The following SRP68 variants were observed in gnomAD, a reference collection of about 807,000 sequenced individuals.
SRP68 encodes the protein signal recognition particle 68, also known as signal recognition particle subunit SRP68.
Under a neutral mutation model 82.2 loss-of-function variants are expected in SRP68, and 15 were observed. The observed-to-expected ratio is 0.18, with a 90% CI of 0.12 to 0.28. The LOEUF is 0.28. Among genes scored for constraint, SRP68 ranks in the 10% least tolerant of loss-of-function variants. SRP68 has a pLI of 1.00. For missense variants in SRP68, 595 were observed against 780.5 expected (o/e 0.76, Z 2.83); for synonymous variants, 261 against 292.6 (o/e 0.89, Z 1.10).
chr17:76,059,882 T>C (rs2066738937), intron 7 of SRP68, among the ~76,000 whole-genome samples: 1 of 151,168 alleles, frequency 6.6e-6, no homozygotes, highest in South Asian at 2.1e-4. Context: ...TCCCAGCACT[T>C]TGGGAGGCTG....
At chr17:76,052,056 CG>C (rs997446526) in intron 8 of SRP68, among the ~76,000 whole-genome samples, 7 of 152,038 alleles carry the variant, frequency 4.6e-5, no homozygotes, top group African/African-American at 2.4e-5. Context: ...TACAGGTGCC[CG>C]CCACCACGCC....
At chr17:76,044,977 G>A in intron 12 of SRP68, 1 of 209,472 alleles carries the variant, frequency 4.8e-6, no homozygotes, top group South Asian at 9.9e-5. Flanking sequence ...CCCGACCTCA[G>A]GTGATCCACC....
intron 4 of SRP68, among the ~76,000 whole-genome samples, chr17:76,062,607 ATT>A (rs1186304451): frequency 9.9e-5 from 9 of 91,120 alleles, no homozygotes; most frequent in East Asian, 9.4e-4. Flanking sequence ...TACATTATAT[ATT>A]ATATAATATA....
At chr17:76,053,485 G>C (rs1336640751) in intron 8 of SRP68, 2 of 985,108 alleles carry the variant, frequency 2.0e-6, no homozygotes, top group Non-Finnish European at 2.4e-6. Context: ...CTGTCGGTAG[G>C]GTACAGTTCA....
intron 10 of SRP68, among the ~76,000 whole-genome samples, chr17:76,046,481 A>AAC (rs142036103): frequency 1.0e-4 from 4 of 38,646 alleles, no homozygotes; most frequent in African/African-American, 4.9e-4. Context: ...AAAAAAAAAA[A>AAC]AAACAAAAAA....
chr17:76,066,942 G>C (rs901591889), intron 3 of SRP68, among the ~76,000 whole-genome samples: 11 of 152,016 alleles, frequency 7.2e-5, no homozygotes, highest in Admixed American at 5.9e-4. Flanking sequence ...TGGCCAGGCT[G>C]GTCTTGAACT....
At chr17:76,053,439 T>G (rs2066690255) in intron 8 of SRP68, 1 of 985,230 alleles carries the variant, frequency 1.0e-6, no homozygotes, top group Admixed American at 6.2e-5. Flanking sequence ...AAGAGCGAAC[T>G]TCGTCTTACC....
At chr17:76,058,741 C>T (rs1278813327) in intron 7 of SRP68, among the ~76,000 whole-genome samples, 2 of 152,162 alleles carry the variant, frequency 1.3e-5, no homozygotes, top group East Asian at 1.9e-4. Context: ...AACTTAAAGA[C>T]ATTTGTCAGT....
rs1374266864 is a variant in SRP68 at position 76,072,402 on chromosome 17, TCCACCGCCGCTA to T, written c.78_89del (p.Ser27_Gly30del). ...TATTTTCTTCCCCTCCGGCACCACG[TCCACCGCCGCTA>T]CCGCCGCCGCCACTGCCACCGCCGC... On this transcript the variant is annotated inframe_deletion, in exon 1 of 16. Transcript: ENST00000307877. The surrounding 1 kb of genome is among the most constrained non-coding windows in gnomAD (Gnocchi z 4.5). 2.5e-6 allele frequency: 4 copies of T among 1,586,874 alleles called. No individual in the cohort carries two copies. The highest frequency in any genetic ancestry group is 2.7e-5 in the African/African-American group (2 of 74,316).
intron 2 of SRP68, among the ~76,000 whole-genome samples, chr17:76,068,830 C>T (rs1219937394): frequency 1.3e-5 from 2 of 152,044 alleles, no homozygotes; most frequent in Admixed American, 6.6e-5. Context: ...GCTCGAACTC[C>T]GGGGCTTAAG....
chr17:76,066,132 C>G (rs1243251613), intron 3 of SRP68, among the ~76,000 whole-genome samples: 3 of 151,988 alleles, frequency 2.0e-5, no homozygotes, highest in Admixed American at 6.6e-5. Flanking sequence ...GTATTCAGCA[C>G]TGAAATACAA....
chr17:76,070,789 C>T (rs769742964), intron 1 of SRP68, among the ~76,000 whole-genome samples: 2 of 151,464 alleles, frequency 1.3e-5, no homozygotes, highest in African/African-American at 4.8e-5. Flanking sequence ...TTGCAATGAG[C>T]CAAGACAGCG....
rs1368687022 is a variant in SRP68 at position 76,072,456 on chromosome 17, G to C, written c.36C>G (p.Gly12=). The C allele has an allele frequency of 6.3e-7, 1 of 1,581,660 alleles. No homozygotes were observed. The highest frequency in any genetic ancestry group is 8.5e-7 in the Non-Finnish European group (1 of 1,170,466). The change falls in exon 1 of 16, where the codon GGC becomes GGG. Residue 12 remains glycine (G), a synonymous_variant. Transcript: ENST00000307877. This position sits in a 1 kb window ranked among gnomAD's most constrained non-coding sequence, Gnocchi z 4.5. ...AAEKQVPGGG[G]GGGSGGGGGS... is the part of the protein sequence containing the mutation. Reference sequence around the variant, plus strand: ...CACCGCCGCCGCCACTGCCGCCGCCGCCGCCGCCGCCTGGGACCTGCTTCT... The same window carrying C: ...CACCGCCGCCGCCACTGCCGCCGCCCCCGCCGCCGCCTGGGACCTGCTTCT...
At chr17:76,065,747 G>A (rs1011072435) in intron 3 of SRP68, among the ~76,000 whole-genome samples, 3 of 152,098 alleles carry the variant, frequency 2.0e-5, no homozygotes, top group Non-Finnish European at 4.4e-5. Flanking sequence ...CCTGTCAAAA[G>A]CCTTCAAGCT....
At chr17:76,054,756 G>A (rs2066700469) in intron 8 of SRP68, among the ~76,000 whole-genome samples, 1 of 151,880 alleles carries the variant, frequency 6.6e-6, no homozygotes, top group South Asian at 2.1e-4. Flanking sequence ...CCGGGACACG[G>A]AGGTTGCAGT....
chr17:76,046,366 G>A (rs1183626645), intron 10 of SRP68, among the ~76,000 whole-genome samples, 172 bp from the exon 11 acceptor site: 1 of 151,700 alleles, frequency 6.6e-6, no homozygotes, highest in Admixed American at 6.6e-5. Context: ...CTACTATCCA[G>A]TGGCAAGTTT....
At chr17:76,070,245 C>T (rs1295847935) in intron 2 of SRP68, 133 bp downstream of exon 2, 9 of 550,518 alleles carry the variant, frequency 1.6e-5, no homozygotes, top group Admixed American at 4.1e-5. Context: ...AAAAACAAAG[C>T]AAACAAACAA....
intron 2 of SRP68, among the ~76,000 whole-genome samples, chr17:76,068,610 T>C (rs2066825563): frequency 6.6e-6 from 1 of 152,110 alleles, no homozygotes; most frequent in Non-Finnish European, 1.5e-5. Flanking sequence ...AGGAAGCCAA[T>C]TAGGTTATCG....
At chr17:76,051,148 CAT>C (rs2066669487) in intron 8 of SRP68, among the ~76,000 whole-genome samples, 1 of 152,236 alleles carries the variant, frequency 6.6e-6, no homozygotes, top group Admixed American at 6.5e-5. Flanking sequence ...AGATATTCCA[CAT>C]GACTACTCTG....
Sources: gnomAD v4.1 joint callset for allele counts (sites outside exome capture counted in the v4.1 genomes callset) on GRCh38, gnomAD v4.1.1 for gene constraint, Gnocchi (gnomAD v3.1) non-coding constraint, MANE v1.5 for transcripts, NCBI Gene and HGNC (gene_info 2026-07-23, HGNC 2026-07-21) for gene names.